The following CALCRL variants were observed in gnomAD, a reference collection of about 807,000 sequenced individuals.
CALCRL encodes calcitonin gene-related peptide type 1 receptor.
Under a neutral mutation model 60.4 loss-of-function variants are expected in CALCRL, and 27 were observed. That is an observed-to-expected ratio of 0.45 (90% CI 0.33 to 0.62). The LOEUF (loss-of-function observed/expected upper bound fraction) is 0.62, where lower values mean the gene tolerates loss of function less well. CALCRL is among the 20% of genes least tolerant of loss of function. The probability of loss-of-function intolerance (pLI) is 0.03; values close to 1 mark genes in which losing one functional copy is unlikely to be tolerated. For missense variants in CALCRL, 424 were observed against 540.7 expected, an observed-to-expected ratio of 0.78 and a Z score of 2.14; for synonymous variants, 190 against 182.6, an observed-to-expected ratio of 1.04 and a Z score of -0.33.
intron 1 of CALCRL, among the ~76,000 whole-genome samples, chr2:187,400,655 C>G (rs1688849721): frequency 6.6e-6 from 1 of 150,902 alleles, no homozygotes; most frequent in Non-Finnish European, 1.5e-5. Flanking sequence ...AATGGATAAA[C>G]AAAATATGAT....
intron 12 of CALCRL, among the ~76,000 whole-genome samples, chr2:187,354,517 A>C (rs1686682031): frequency 6.6e-6 from 1 of 152,016 alleles, no homozygotes; most frequent in Admixed American, 6.6e-5. Context: ...TCTTATTTAT[A>C]AAAATTGTGC....
intron 1 of CALCRL, among the ~76,000 whole-genome samples, chr2:187,423,331 C>T (rs1215896154): frequency 6.6e-6 from 1 of 151,158 alleles, no homozygotes; most frequent in Non-Finnish European, 1.5e-5. Flanking sequence ...TGAAGTTAAA[C>T]CAATGTGCTT....
At chr2:187,431,602 T>C (rs1690407954) in intron 1 of CALCRL, among the ~76,000 whole-genome samples, 1 of 152,070 alleles carries the variant, frequency 6.6e-6, no homozygotes, top group South Asian at 2.1e-4. Flanking sequence ...TCATATGTCC[T>C]AAGAATAGGA....
intron 8 of CALCRL, among the ~76,000 whole-genome samples, chr2:187,371,802 G>C (rs1687538096): frequency 6.6e-6 from 1 of 151,850 alleles, no homozygotes; most frequent in African/African-American, 2.4e-5. Context: ...AAGAAAAACT[G>C]TACTTGCTCT....
At chr2:187,354,022 C>T (rs1344360917) in intron 12 of CALCRL, among the ~76,000 whole-genome samples, 1 of 151,918 alleles carries the variant, frequency 6.6e-6, no homozygotes, top group African/African-American at 2.4e-5. Flanking sequence ...TTCCACACAA[C>T]ATAGTTTTGA....
chr2:187,432,071 G>A (rs1690431721), intron 1 of CALCRL, among the ~76,000 whole-genome samples: 1 of 152,106 alleles, frequency 6.6e-6, no homozygotes, highest in African/African-American at 2.4e-5. Flanking sequence ...GGTCATAGTG[G>A]AGTGAATGAG....
chr2:187,418,987 G>T (rs1362709540), intron 1 of CALCRL, among the ~76,000 whole-genome samples: 6 of 146,438 alleles, frequency 4.1e-5, no homozygotes, highest in African/African-American at 1.5e-4. Context: ...CTCCCAAGTA[G>T]GTGGGATTAC....
At chr2:187,373,113 C>T (rs1687603629) in intron 8 of CALCRL, among the ~76,000 whole-genome samples, 1 of 152,106 alleles carries the variant, frequency 6.6e-6, no homozygotes, top group African/African-American at 2.4e-5. Flanking sequence ...AGCTTCAAAG[C>T]CAGTTCATGT....
chr2:187,364,796 T>C (rs1387635088), intron 8 of CALCRL, among the ~76,000 whole-genome samples: 2 of 152,170 alleles, frequency 1.3e-5, no homozygotes, highest in East Asian at 3.9e-4. Context: ...AAATTGTCAA[T>C]ATATTCCTTC....
chr2:187,426,242 A>ATT (rs35722786), intron 1 of CALCRL, among the ~76,000 whole-genome samples: 1,709 of 146,886 alleles, frequency 0.012, 20 homozygotes, highest in Non-Finnish European at 0.017. Flanking sequence ...GTCATTTATT[A>ATT]TTTTTTTTTT....
intron 5 of CALCRL, 74 bp from the exon 6 acceptor site, chr2:187,380,861 T>C (rs1238396791): frequency 2.6e-6 from 3 of 1,151,496 alleles, no homozygotes; most frequent in South Asian, 2.6e-5. Context: ...TTAAAAGTGG[T>C]TTCACACTGA....
At position 187,378,218 on chromosome 2, in the gene CALCRL, C is replaced by T. The variant is rs1382829618; in HGVS notation, c.500+722G>A. ...AAAGGAGCAGAAGATGACTACAATGCGATGAAGATACAATGAAACATAGCT... is the reference window on the plus strand; with the variant it reads ...AAAGGAGCAGAAGATGACTACAATGTGATGAAGATACAATGAAACATAGCT... On this transcript the variant is annotated intron_variant, in intron 8 of 14. Coordinates refer to ENST00000392370, the MANE Select transcript of CALCRL (RefSeq NM_005795.6). 3.3e-5 allele frequency among the ~76,000 whole-genome samples: 5 copies of T among 151,994 alleles called. No homozygotes were observed. In the East Asian group the frequency reaches 7.7e-4, roughly 24 times the overall value.
At chr2:187,396,283 G>A (rs1016403852) in intron 1 of CALCRL, among the ~76,000 whole-genome samples, 18 of 151,738 alleles carry the variant, frequency 1.2e-4, no homozygotes, top group Admixed American at 4.0e-4. Context: ...TTCAAGAAAC[G>A]TCTAGTTCTC....
At chr2:187,358,525 C>G (rs567141432) in intron 12 of CALCRL, among the ~76,000 whole-genome samples, 45 of 149,842 alleles carry the variant, frequency 3.0e-4, no homozygotes, top group African/African-American at 1.0e-3. Flanking sequence ...CCTCCCACCC[C>G]CCCCTGCTAG....
At chr2:187,430,106 G>C (rs1690336618) in intron 1 of CALCRL, among the ~76,000 whole-genome samples, 1 of 152,152 alleles carries the variant, frequency 6.6e-6, no homozygotes, top group Non-Finnish European at 1.5e-5. Context: ...AAATCCATCT[G>C]TCAGATATAA....
At chr2:187,369,737 G>C (rs1687442059) in intron 8 of CALCRL, among the ~76,000 whole-genome samples, 1 of 152,172 alleles carries the variant, frequency 6.6e-6, no homozygotes, top group African/African-American at 2.4e-5. Flanking sequence ...TGTAATCCCA[G>C]ATAGTGGTAT....
intron 8 of CALCRL, among the ~76,000 whole-genome samples, chr2:187,366,789 A>G (rs1189052056): frequency 6.6e-6 from 1 of 151,946 alleles, no homozygotes; most frequent in Non-Finnish European, 1.5e-5. Context: ...GATGGTCTAT[A>G]TTTCTGTTCC....
intron 8 of CALCRL, among the ~76,000 whole-genome samples, chr2:187,365,144 C>T (rs958597884): frequency 2.0e-5 from 3 of 152,122 alleles, no homozygotes; most frequent in Non-Finnish European, 4.4e-5. Flanking sequence ...GAAAGACAAT[C>T]GTATTTTTGA....
chr2:187,366,245 G>A (rs1459752067), intron 8 of CALCRL, among the ~76,000 whole-genome samples: 2 of 19,734 alleles, frequency 1.0e-4, no homozygotes, highest in Non-Finnish European at 1.6e-4. Context: ...GCGAGACTCC[G>A]TCTCAAAAAA....
Sources: allele counts gnomAD v4.1 joint callset (sites outside exome capture counted in the v4.1 genomes callset), GRCh38; gene constraint gnomAD v4.1.1; transcripts MANE v1.5; gene names NCBI Gene and HGNC (gene_info 2026-07-23, HGNC 2026-07-21).